The following SLC7A8 variants were observed in gnomAD, a reference collection of about 807,000 sequenced individuals.
SLC7A8 encodes solute carrier family 7 member 8, also known as large neutral amino acids transporter small subunit 2.
In SLC7A8, 30 loss-of-function variants were observed where a neutral mutation model predicts 51.2. The ratio of observed to expected loss-of-function variants is 0.59; its 90% CI spans 0.44 to 0.80. The LOEUF (loss-of-function observed/expected upper bound fraction) is 0.80. Ranked by LOEUF, SLC7A8 falls within the 30% of genes least tolerant of loss-of-function variation. The pLI is 0.00. For missense variants in SLC7A8, 612 were observed against 674.4 expected, an observed-to-expected ratio of 0.91 and a Z score of 1.03; for synonymous variants, 257 against 275.8, an observed-to-expected ratio of 0.93 and a Z score of 0.67.
At chr14:23,152,587 T>C (rs2048856903) in intron 3 of SLC7A8, among the ~76,000 whole-genome samples, 2 of 151,874 alleles carry the variant, frequency 1.3e-5, no homozygotes. Context: ...CTAATTTTTG[T>C]ATTTTTTGTA....
chr14:23,159,431 T>C lies in SLC7A8; in HGVS notation c.508+5854A>G, dbSNP rs537422832. On this transcript the variant is annotated intron_variant, in intron 3 of 10. Transcript: ENST00000316902. ...TATGGGAATCAAATGTAGGCCAGTC[T>C]GTATTTGTCTGAATTCATATAAACG... Among the ~76,000 whole-genome samples the C allele has an allele frequency of 2.6e-5, 4 of 152,378 alleles. No individual in the cohort carries two copies. The East Asian group carries it at 5.8e-4, about 22-fold the overall frequency.
chr14:23,180,657 G>T (rs962764820), intron 1 of SLC7A8, among the ~76,000 whole-genome samples: 1 of 152,130 alleles, frequency 6.6e-6, no homozygotes, highest in Non-Finnish European at 1.5e-5. Context: ...CCATCCATAA[G>T]GTTGTGGACA....
intron 3 of SLC7A8, among the ~76,000 whole-genome samples, chr14:23,152,438 G>A (rs2140325229): frequency 6.7e-6 from 1 of 148,786 alleles, no homozygotes; most frequent in East Asian, 2.0e-4. Context: ...TCTTTTTTTT[G>A]AGACAGGGTC....
rs142012722 is a variant in SLC7A8 at position 23,166,510 on chromosome 14, G to A, written c.182C>T (p.Ser61Leu). 29 of 1,614,122 alleles carry A rather than the reference G, an allele frequency of 1.8e-5. No homozygotes were observed. The highest frequency in any genetic ancestry group is 1.8e-4 in the East Asian group (8 of 44,884). Reference sequence around the variant, plus strand: ...AGCATTCTCCAGCACTCCCTTTGGCGAGACAAAGATTCCAGAGCCGATGAT... The same window carrying A: ...AGCATTCTCCAGCACTCCCTTTGGCAAGACAAAGATTCCAGAGCCGATGAT... ...GNIIGSGIFV[S>L]PKGVLENAGS... Residue 61 changes from serine (S) to leucine (L), a missense_variant, in exon 2 of 11, where the codon TCG (serine) becomes TTG (leucine). By Grantham distance (145) the Ser-to-Leu change is moderately radical. Transcript: ENST00000316902.
At chr14:23,136,530 C>G (rs2048691726) in intron 7 of SLC7A8, among the ~76,000 whole-genome samples, 1 of 152,146 alleles carries the variant, frequency 6.6e-6, no homozygotes, top group African/African-American at 2.4e-5. Context: ...ATCATCCTCT[C>G]CCTACCCGAG....
At chr14:23,167,273 A>T (rs1317336685) in intron 1 of SLC7A8, among the ~76,000 whole-genome samples, 1 of 152,206 alleles carries the variant, frequency 6.6e-6, no homozygotes, top group Non-Finnish European at 1.5e-5. Flanking sequence ...GTCATTACCC[A>T]CCAATGTTTC....
At chr14:23,180,060 G>C (rs185998783) in intron 1 of SLC7A8, among the ~76,000 whole-genome samples, 3 of 151,116 alleles carry the variant, frequency 2.0e-5, no homozygotes, top group Non-Finnish European at 2.9e-5. Flanking sequence ...CATGCGCCAC[G>C]ACGCCCGGCT....
intron 7 of SLC7A8, among the ~76,000 whole-genome samples, chr14:23,136,651 C>G (rs1326083006): frequency 2.0e-5 from 3 of 152,176 alleles, no homozygotes; most frequent in African/African-American, 7.2e-5. Flanking sequence ...GCCTCTGAAT[C>G]GGAGGTGGAG....
chr14:23,182,736 G>C (rs750162359), intron 1 of SLC7A8, 28 bp downstream of exon 1: 3 of 1,525,778 alleles, frequency 2.0e-6, no homozygotes, highest in Non-Finnish European at 2.6e-6. Flanking sequence ...GGGGAGAGGA[G>C]GGGTCCGCGG....
At chr14:23,181,570 G>A (rs1877186141) in intron 1 of SLC7A8, among the ~76,000 whole-genome samples, 2 of 152,192 alleles carry the variant, frequency 1.3e-5, no homozygotes, top group African/African-American at 4.8e-5. Context: ...TTTCAAGAGT[G>A]CTCTCCAGTG....
At position 23,128,050 on chromosome 14, in the gene SLC7A8, T is replaced by C; in HGVS notation, c.1410A>G (p.Gln470=). Residue 470 remains glutamine, a synonymous_variant, in exon 10 of 11, where the codon CAA becomes CAG. Coordinates refer to ENST00000316902, the MANE Select transcript of SLC7A8 (RefSeq NM_012244.4). This position sits in a 1 kb window ranked among gnomAD's most constrained non-coding sequence, Gnocchi z 4.3. Reference sequence around the variant, plus strand: ...AGTCACTGAAACACTTGGGCTTGTGTTGCCAGTAAACACCCAGGAAATAGA... The same window carrying C: ...AGTCACTGAAACACTTGGGCTTGTGCTGCCAGTAAACACCCAGGAAATAGA... The part of the protein sequence containing the change: ...VPVYFLGVYW[Q]HKPKCFSDFI... The C allele has an allele frequency of 6.2e-7, 1 of 1,614,152 alleles. No homozygotes were observed. The highest frequency in any genetic ancestry group is 1.1e-5 in the South Asian group (1 of 91,078).
chr14:23,176,639 T>C (rs1296729595), intron 1 of SLC7A8, among the ~76,000 whole-genome samples: 3 of 152,104 alleles, frequency 2.0e-5, no homozygotes, highest in East Asian at 3.9e-4. Context: ...AAAGAGCTTA[T>C]AGCTCAGGAA....
chr14:23,138,077 C>T (rs183794242), intron 6 of SLC7A8, 53 bp from the exon 7 acceptor site: 2 of 1,597,818 alleles, frequency 1.3e-6, no homozygotes, highest in Non-Finnish European at 1.7e-6. Context: ...CTCCCCGACC[C>T]CTCAGCTCCC....
In SLC7A8 at chr14:23,140,620, C is replaced by T. The variant is rs1468401595; in HGVS notation, c.639G>A (p.Glu213=). 1 of 1,613,408 alleles carries T rather than the reference C, an allele frequency of 6.2e-7. No individual in the cohort carries two copies. The highest frequency in any genetic ancestry group is 8.5e-7 in the Non-Finnish European group (1 of 1,179,506). Residue 213 remains glutamate (E), a synonymous_variant, in exon 5 of 11, where the codon GAG becomes GAA. Coordinates refer to ENST00000316902, the MANE Select transcript of SLC7A8 (RefSeq NM_012244.4). Reference sequence around the variant, plus strand: ...CATTCTTTGGCTCCAGCCAGAAGTACTCTCCTGTGGACACAAGCAACAGGA... The same window carrying T: ...CATTCTTTGGCTCCAGCCAGAAGTATTCTCCTGTGGACACAAGCAACAGGA... ...IMGIVQICKG[E]YFWLEPKNAF... is the part of the protein sequence containing the mutation.
chr14:23,173,582 C>A (rs2048985347), intron 1 of SLC7A8, among the ~76,000 whole-genome samples: 2 of 152,282 alleles, frequency 1.3e-5, no homozygotes, highest in Admixed American at 1.3e-4. Context: ...TGGTATCTTC[C>A]AATAAATATT....
chr14:23,178,937 A>C (rs1441526847), intron 1 of SLC7A8, among the ~76,000 whole-genome samples: 2 of 148,808 alleles, frequency 1.3e-5, no homozygotes, highest in Non-Finnish European at 3.0e-5. Context: ...TCTGTTGCCT[A>C]GGCTGGCTTG....
chr14:23,163,187 G>A (rs879564346), intron 3 of SLC7A8, among the ~76,000 whole-genome samples: 3 of 152,118 alleles, frequency 2.0e-5, no homozygotes, highest in Non-Finnish European at 2.9e-5. Context: ...CTGGGGTGCT[G>A]GGTGTCTAAC....
intron 6 of SLC7A8, among the ~76,000 whole-genome samples, chr14:23,139,184 GTC>G (rs997107857): frequency 2.4e-4 from 36 of 152,150 alleles, no homozygotes; most frequent in Non-Finnish European, 1.8e-4. Context: ...AGGCCACGCG[GTC>G]TCTGTGGCAA....
At chr14:23,146,385 C>A (rs1459402948) in intron 3 of SLC7A8, among the ~76,000 whole-genome samples, 1 of 152,080 alleles carries the variant, frequency 6.6e-6, no homozygotes, top group Non-Finnish European at 1.5e-5. Context: ...TCCTCCTCCC[C>A]CAAGCAGACC....
Sources: allele counts gnomAD v4.1 joint callset (sites outside exome capture counted in the v4.1 genomes callset), GRCh38; gene constraint gnomAD v4.1.1; non-coding constraint Gnocchi (gnomAD v3.1); transcripts MANE v1.5; gene names NCBI Gene and HGNC (gene_info 2026-07-23, HGNC 2026-07-21).